DNAAF1: variants seen among roughly 807,000 people sequenced by gnomAD.
The protein encoded by DNAAF1 is dynein axonemal assembly factor 1.
In DNAAF1, 65 loss-of-function variants were observed where a neutral mutation model predicts 71.1. The observed-to-expected ratio is 0.91, with a 90% CI of 0.75 to 1.12. DNAAF1 has a LOEUF of 1.12. Among genes scored for constraint, DNAAF1 ranks in the 50% most tolerant of loss-of-function variants. The pLI is 0.00. For missense variants in DNAAF1, 1,178 were observed against 899.8 expected (o/e 1.31, Z -3.96); for synonymous variants, 414 against 354.6 (o/e 1.17, Z -1.88).
intron 7 of DNAAF1, among the ~76,000 whole-genome samples, chr16:84,168,939 A>G (rs1021110132): frequency 6.6e-6 from 1 of 151,762 alleles, no homozygotes; most frequent in Admixed American, 6.6e-5. Context: ...TGCATCTCCT[A>G]AGAACTGCCT....
intron 6 of DNAAF1, among the ~76,000 whole-genome samples, chr16:84,161,615 G>A (rs559108696): frequency 8.2e-4 from 124 of 152,022 alleles, no homozygotes; most frequent in Non-Finnish European, 1.5e-3. Context: ...ATCCTCCTGC[G>A]TTGGCCTCCC....
chr16:84,163,017 G>C (rs894112124), intron 6 of DNAAF1, among the ~76,000 whole-genome samples: 2 of 152,130 alleles, frequency 1.3e-5, no homozygotes, highest in African/African-American at 4.8e-5. Flanking sequence ...GTTCATCTGC[G>C]ATGCAGCGTG....
At chr16:84,173,475 A>G (rs2088486469) in intron 9 of DNAAF1, 4 of 984,340 alleles carry the variant, frequency 4.1e-6, no homozygotes, top group South Asian at 4.7e-5. Context: ...AAAAAGAAAA[A>G]AAGAGTTAAA....
At chr16:84,172,733 G>GTA in intron 9 of DNAAF1, 1 of 1,170,550 alleles carries the variant, frequency 8.5e-7, no homozygotes, top group Non-Finnish European at 1.1e-6. Context: ...CAAATTCGTG[G>GTA]TGAGAGTTAC....
rs373555947 is a variant in DNAAF1 at position 84,149,088 on chromosome 16, G to A, written c.206G>A (p.Gly69Glu). ...HSQQKQSGDN[G>E]SGGHFAHPRE... ...CAGCAGAAACAGAGTGGTGATAATG[G>A]GTCAGGTGGTCACTTCGCACACCCA... Residue 69 changes from glycine (G) to glutamate (E), a missense_variant, in exon 2 of 12, where the codon GGG (glycine) becomes GAG (glutamate). By Grantham distance (98) the Gly-to-Glu change is moderately conservative. Coordinates refer to ENST00000378553, the MANE Select transcript of DNAAF1 (RefSeq NM_178452.6). 1 of 1,614,068 alleles carries A rather than the reference G, an allele frequency of 6.2e-7. No homozygotes were observed. Among genetic ancestry groups the A allele is most frequent in the Non-Finnish European group, 8.5e-7 (1 of 1,180,024 alleles).
chr16:84,161,467 C>T (rs996975803), intron 6 of DNAAF1, among the ~76,000 whole-genome samples: 5 of 152,166 alleles, frequency 3.3e-5, no homozygotes, highest in African/African-American at 1.2e-4. Context: ...CAGCTTCAAA[C>T]TCTGGGTTCA....
At chr16:84,158,807 A>C (rs2087561881) in intron 5 of DNAAF1, 1 of 153,476 alleles carries the variant, frequency 6.5e-6, no homozygotes, top group South Asian at 2.1e-4. Flanking sequence ...TCAGCTCACT[A>C]CAGCCTCCCC....
chr16:84,168,822 C>CCACA (rs1352763766), intron 7 of DNAAF1, among the ~76,000 whole-genome samples: 57 of 42,372 alleles, frequency 1.3e-3, no homozygotes, highest in African/African-American at 3.6e-3. Context: ...TACACATTTG[C>CCACA]CACATACACA....
At chr16:84,146,336 G>A (rs1378643815) in intron 1 of DNAAF1, among the ~76,000 whole-genome samples, 4 of 152,224 alleles carry the variant, frequency 2.6e-5, no homozygotes, top group African/African-American at 4.8e-5. Flanking sequence ...TCCAGTGCCT[G>A]ACCTAGGGTA....
intron 5 of DNAAF1, chr16:84,159,265 C>G (rs564032165): frequency 9.0e-7 from 1 of 1,106,152 alleles, no homozygotes; most frequent in South Asian, 2.3e-5. Flanking sequence ...CTCTGTCTAG[C>G]GGCTGTGTGC....
chr16:84,149,209 G>A lies in DNAAF1; in HGVS notation c.260+67G>A, dbSNP rs1410426131. Reference sequence around the variant, plus strand: ...AGGTAGATGGCGTAATCACCCCCTTGTACGGATAATGAAATAGAGGCTGGT... The same window carrying A: ...AGGTAGATGGCGTAATCACCCCCTTATACGGATAATGAAATAGAGGCTGGT... On this transcript the variant is annotated intron_variant, in intron 2 of 11. Coordinates refer to ENST00000378553, the MANE Select transcript of DNAAF1 (RefSeq NM_178452.6). 6.9e-6 allele frequency: 11 copies of A among 1,587,334 alleles called. No homozygotes were observed. The Admixed American group carries it at 1.3e-4, about 19-fold the overall frequency.
At chr16:84,172,903 T>G (rs2088443109) in intron 9 of DNAAF1, 2 of 1,007,930 alleles carry the variant, frequency 2.0e-6, no homozygotes, top group South Asian at 4.2e-5. Context: ...ATCGCAGCCT[T>G]GCCTGTCACT....
chr16:84,161,339 C>T (rs1455222139), intron 6 of DNAAF1, among the ~76,000 whole-genome samples: 1 of 152,140 alleles, frequency 6.6e-6, no homozygotes, highest in Non-Finnish European at 1.5e-5. Flanking sequence ...GAGCCACCGC[C>T]CTTTAGAGCA....
At chr16:84,156,676 T>C (rs913444232) in intron 5 of DNAAF1, among the ~76,000 whole-genome samples, 3 of 152,200 alleles carry the variant, frequency 2.0e-5, no homozygotes, top group Non-Finnish European at 4.4e-5. Context: ...TCCAGTTTTC[T>C]CACTCTCTCA....
At chr16:84,175,664 G>A (rs1420492037) in intron 10 of DNAAF1, 3 of 496,314 alleles carry the variant, frequency 6.0e-6, no homozygotes, top group East Asian at 7.7e-5. Context: ...GGGCTCAGGG[G>A]TGCGCCCTCT....
intron 1 of DNAAF1, among the ~76,000 whole-genome samples, chr16:84,147,603 C>T (rs2151202258): frequency 6.6e-6 from 1 of 152,088 alleles, no homozygotes; most frequent in South Asian, 2.1e-4. Flanking sequence ...GGACTACAGG[C>T]ATGCTCCACT....
At chr16:84,151,843 A>C (rs927760044) in intron 3 of DNAAF1, among the ~76,000 whole-genome samples, 9 of 152,056 alleles carry the variant, frequency 5.9e-5, no homozygotes, top group Non-Finnish European at 1.2e-4. Context: ...TTAATTTCTC[A>C]CCACATGAGC....
At chr16:84,162,258 TAAC>T (rs2087748831) in intron 6 of DNAAF1, 1 of 152,130 alleles carries the variant, frequency 6.6e-6, no homozygotes, top group Non-Finnish European at 1.5e-5. Flanking sequence ...GTTTTTCAAA[TAAC>T]AACTTTGTTG....
chr16:84,172,089 G>A (rs2088384790), intron 8 of DNAAF1, among the ~76,000 whole-genome samples, 171 bp from the exon 9 acceptor site: 1 of 152,102 alleles, frequency 6.6e-6, no homozygotes, highest in Non-Finnish European at 1.5e-5. Context: ...GTGTTGGCCA[G>A]GCTGGACTCA....
Sources: allele counts gnomAD v4.1 joint callset (sites outside exome capture counted in the v4.1 genomes callset), GRCh38; gene constraint gnomAD v4.1.1; transcripts MANE v1.5; gene names NCBI Gene and HGNC (gene_info 2026-07-23, HGNC 2026-07-21).